Variants in ANKRD50 observed in about 807,000 individuals in gnomAD.
ANKRD50 encodes the protein ankyrin repeat domain 50, also known as ankyrin repeat domain-containing protein 50.
In ANKRD50, 40 loss-of-function variants were observed where a neutral mutation model predicts 112.0. The ratio of observed to expected loss-of-function variants is 0.36; its 90% CI spans 0.28 to 0.46. ANKRD50 has a LOEUF of 0.46. Ranked by LOEUF, ANKRD50 falls within the 20% of genes least tolerant of loss-of-function variation. The pLI, the probability that ANKRD50 is intolerant of heterozygous loss-of-function variation, is 1.00. For missense variants in ANKRD50, 1,487 were observed against 1,701.7 expected (o/e 0.87, Z 2.22); for synonymous variants, 613 against 619.1 (o/e 0.99, Z 0.15).
chr4:124,704,214 G>A (rs957779365), intron 2 of ANKRD50, among the ~76,000 whole-genome samples: 1 of 152,102 alleles, frequency 6.6e-6, no homozygotes, highest in Non-Finnish European at 1.5e-5. Flanking sequence ...ATAGTAATGG[G>A]ACTTTAGAAT....
intron 2 of ANKRD50, among the ~76,000 whole-genome samples, chr4:124,696,412 T>C (rs1394461457): frequency 2.6e-5 from 4 of 152,042 alleles, no homozygotes; most frequent in Non-Finnish European, 4.4e-5. Context: ...ATACATACAA[T>C]TGTGGTCCCC....
intron 2 of ANKRD50, among the ~76,000 whole-genome samples, chr4:124,701,585 T>C (rs1725394179): frequency 6.6e-6 from 1 of 152,164 alleles, no homozygotes; most frequent in African/African-American, 2.4e-5. Context: ...GCATAATAGA[T>C]ACAGGTTTGA....
chr4:124,703,146 A>T (rs1289650286), intron 2 of ANKRD50, among the ~76,000 whole-genome samples: 1 of 152,174 alleles, frequency 6.6e-6, no homozygotes, highest in South Asian at 2.1e-4. Context: ...ACCCAGAGGA[A>T]GGTCCACCAA....
intron 2 of ANKRD50, among the ~76,000 whole-genome samples, chr4:124,695,331 G>T (rs1341366452): frequency 6.6e-6 from 1 of 152,100 alleles, no homozygotes; most frequent in African/African-American, 2.4e-5. Context: ...GCTAATTTGG[G>T]AGGCCTATAC....
chr4:124,689,105 A>G (rs1368416006), intron 2 of ANKRD50, among the ~76,000 whole-genome samples: 1 of 152,204 alleles, frequency 6.6e-6, no homozygotes, highest in Non-Finnish European at 1.5e-5. Context: ...TAACTAAGGA[A>G]TTGGCAGTTT....
intron 2 of ANKRD50, among the ~76,000 whole-genome samples, chr4:124,680,132 C>A (rs1252541722): frequency 1.3e-5 from 2 of 152,192 alleles, no homozygotes; most frequent in Non-Finnish European, 2.9e-5. Flanking sequence ...TACAGTAGTT[C>A]TTTTCCACTC....
rs1002752111 is a variant in ANKRD50 at position 124,667,425 on chromosome 4, G to GT, written c.*92dup. 7.3e-5 allele frequency: 11 copies of GT among 151,162 alleles called. No individual in the cohort carries two copies. The highest frequency in any genetic ancestry group is 2.4e-4 in the African/African-American group (10 of 41,202). 9.4% of individuals were successfully genotyped at this position (151,162 alleles called of 1,614,324 possible). A position where few individuals can be genotyped will look rare whatever the true frequency, so the allele number is the denominator to read the frequency against. On this transcript the variant is annotated 3_prime_UTR_variant, in exon 5 of 5. Transcript: ENST00000504087. ...AGAGATCACATTCTTCATTTTTTTTGTTTTTTCAGCAAATCAACAGGCATA... is the reference window on the plus strand; with the variant it reads ...AGAGATCACATTCTTCATTTTTTTTGTTTTTTTCAGCAAATCAACAGGCATA...
chr4:124,671,112 G>A lies in ANKRD50; in HGVS notation c.2165C>T (p.Pro722Leu), dbSNP rs755306100. The change falls in exon 4 of 5, where the codon CCT (proline) becomes CTT (leucine). Residue 722 changes from proline (P) to leucine (L), a missense_variant. Pro to Leu is a moderately conservative substitution (Grantham distance 98, BLOSUM62 -3). Around this residue, in one of 2 missense-constraint regions of ANKRD50, gnomAD observed 1,046 missense variants for 1,269.5 expected, o/e 0.82. Coordinates refer to ENST00000504087, the MANE Select transcript of ANKRD50 (RefSeq NM_020337.3). Reference protein sequence around the residue: ...TALSVAALCVPASKGHASVVS... With the variant: ...TALSVAALCVLASKGHASVVS... ...AACTGATGCGTGCCCTTTACTTGCA[G>A]GCACACAAAGTGCAGCTACAGAGAG... 1 of 1,613,752 alleles carries A rather than the reference G, an allele frequency of 6.2e-7. No individual in the cohort carries two copies. The highest frequency in any genetic ancestry group is 1.1e-5 in the South Asian group (1 of 91,074).
In ANKRD50 at chr4:124,672,233, T is replaced by C; in HGVS notation, c.1044A>G (p.Ala348=). ...TCACATTCAAAATAGGCTGAACCTTTGCAAATTGTTTTCTTACAAAAAGTC... is the reference window on the plus strand; with the variant it reads ...TCACATTCAAAATAGGCTGAACCTTCGCAAATTGTTTTCTTACAAAAAGTC... ...CQRLFVRKQF[A]KVQPILNVIL... is the part of the protein sequence containing the mutation. Residue 348 remains alanine (A), a synonymous_variant, in exon 4 of 5, where the codon GCA becomes GCG. Transcript: ENST00000504087. 1.2e-6 allele frequency: 2 copies of C among 1,613,794 alleles called. No individual in the cohort carries two copies. The highest frequency in any genetic ancestry group is 1.7e-6 in the Non-Finnish European group (2 of 1,179,824).
intron 2 of ANKRD50, among the ~76,000 whole-genome samples, chr4:124,697,344 GC>G (rs1725276991): frequency 6.6e-6 from 1 of 152,166 alleles, no homozygotes; most frequent in African/African-American, 2.4e-5. Flanking sequence ...AAAGGTTGGT[GC>G]TATGGTTGAG....
Position 124,710,789 on chromosome 4 carries a change from T to A in ANKRD50, c.-278A>T. 2.0e-6 allele frequency: 1 copy of A among 498,426 alleles called. No homozygotes were observed. Among genetic ancestry groups the A allele is most frequent in the Admixed American group, 3.5e-5 (1 of 28,260 alleles). 30.9% of individuals were successfully genotyped at this position (498,426 alleles called of 1,614,324 possible). A position where few individuals can be genotyped will look rare whatever the true frequency, so the allele number is the denominator to read the frequency against. The stretch of plus-strand genomic sequence containing the variant: ...TTTTCCTAAATTTTAATGAGTCACA[T>A]AACTCCATGGTTATAACTGGAGTTT... On this transcript the variant is annotated 5_prime_UTR_variant, in exon 2 of 5. An upstream start codon of the reference 5' UTR is lost. Transcript: ENST00000504087.
At chr4:124,682,870 T>G (rs950981929) in intron 2 of ANKRD50, among the ~76,000 whole-genome samples, 2 of 152,116 alleles carry the variant, frequency 1.3e-5, no homozygotes, top group African/African-American at 4.8e-5. Context: ...CATTTACACT[T>G]AATGTAGTTG....
At chr4:124,706,637 T>C (rs575326216) in intron 2 of ANKRD50, among the ~76,000 whole-genome samples, 2 of 152,228 alleles carry the variant, frequency 1.3e-5, no homozygotes, top group Non-Finnish European at 2.9e-5. Flanking sequence ...CATTATCAAC[T>C]TTCTATAACT....
chr4:124,697,323 A>G (rs1305503167), intron 2 of ANKRD50, among the ~76,000 whole-genome samples: 6 of 152,162 alleles, frequency 3.9e-5, no homozygotes, highest in Admixed American at 1.3e-4. Context: ...ACCCTGATGT[A>G]TTTCAAAATC....
At chr4:124,694,798 T>C (rs1725215100) in intron 2 of ANKRD50, among the ~76,000 whole-genome samples, 2 of 152,050 alleles carry the variant, frequency 1.3e-5, no homozygotes, top group Non-Finnish European at 2.9e-5. Flanking sequence ...AAGATCATAC[T>C]GGGGATGGGG....
Position 124,669,822 on chromosome 4 carries a change from C to T in ANKRD50, c.3455G>A (p.Gly1152Asp), listed in dbSNP as rs1261843638. ...GGGDMQPSLRGLPNGPTHAFS... is the reference protein window; with the variant it reads ...GGGDMQPSLRDLPNGPTHAFS... ...AGCATGAGTAGGCCCATTAGGTAAA[C>T]CACGTAACGAAGGCTGCATATCCCC... The change falls in exon 4 of 5, where the codon GGT (glycine) becomes GAT (aspartate). Residue 1152 changes from glycine to aspartate, a missense_variant. Physicochemically the swap from Gly to Asp is moderately conservative, Grantham distance 94. Around this residue, in one of 2 missense-constraint regions of ANKRD50, gnomAD observed 441 missense variants for 432.2 expected, o/e 1.02. Coordinates refer to ENST00000504087, the MANE Select transcript of ANKRD50 (RefSeq NM_020337.3). The T allele has an allele frequency of 6.2e-7, 1 of 1,612,714 alleles. No homozygotes were observed. The highest frequency in any genetic ancestry group is 1.3e-5 in the African/African-American group (1 of 74,754).
Position 124,690,505 on chromosome 4 carries a change from C to T in ANKRD50, c.513-11600G>A, listed in dbSNP as rs114602109. On this transcript the variant is annotated intron_variant, in intron 2 of 4. Coordinates refer to ENST00000504087, the MANE Select transcript of ANKRD50 (RefSeq NM_020337.3). The stretch of plus-strand genomic sequence containing the variant: ...GCATTTCCCCAAAAATGTACATTTC[C>T]AGCTAATAAGCTAGAAAAAATAGAT... 3.1e-3 allele frequency among the ~76,000 whole-genome samples: 477 copies of T among 152,128 alleles called. 2 individuals are homozygous for T. Among genetic ancestry groups the T allele is most frequent in the African/African-American group, 0.011 (449 of 41,492 alleles).
intron 2 of ANKRD50, among the ~76,000 whole-genome samples, chr4:124,702,731 G>GT (rs1460132090): frequency 1.3e-5 from 2 of 152,046 alleles, no homozygotes; most frequent in Non-Finnish European, 2.9e-5. Context: ...CTTATCAAAG[G>GT]TGTGTTCTAA....
intron 3 of ANKRD50, among the ~76,000 whole-genome samples, chr4:124,674,984 T>TATAG (rs1223789311): frequency 6.6e-6 from 1 of 151,798 alleles, no homozygotes; most frequent in African/African-American, 2.4e-5. Flanking sequence ...CATGTAATCC[T>TATAG]CTTATTATGA....
Sources: gnomAD v4.1 joint callset for allele counts (sites outside exome capture counted in the v4.1 genomes callset) on GRCh38, gnomAD v4.1.1 for gene constraint, gnomAD v4.1.1 regional missense constraint, MANE v1.5 for transcripts, NCBI Gene and HGNC (gene_info 2026-07-23, HGNC 2026-07-21) for gene names.